The following EFCAB11 variants were observed in gnomAD, a reference collection of about 807,000 sequenced individuals.
EFCAB11 encodes EF-hand calcium binding domain 11, also known as EF-hand calcium-binding domain-containing protein 11.
EFCAB11 carries 14 observed loss-of-function variants against 23.0 expected under a neutral mutation model. The ratio of observed to expected loss-of-function variants is 0.61; its 90% CI spans 0.40 to 0.95. The LOEUF is 0.95. Ranked by LOEUF, EFCAB11 falls within the 40% of genes least tolerant of loss-of-function variation. The probability of loss-of-function intolerance (pLI) is 0.00; values close to 1 mark genes in which losing one functional copy is unlikely to be tolerated. For missense variants in EFCAB11, 198 were observed against 195.8 expected, an observed-to-expected ratio of 1.01 and a Z score of -0.07; for synonymous variants, 65 against 66.6, an observed-to-expected ratio of 0.98 and a Z score of 0.11.
At chr14:89,862,795 A>G (rs1887966341) in intron 5 of EFCAB11, among the ~76,000 whole-genome samples, 1 of 152,238 alleles carries the variant, frequency 6.6e-6, no homozygotes, top group Non-Finnish European at 1.5e-5. Flanking sequence ...AGAGCACTTT[A>G]GTAGGTTTCT....
At chr14:89,941,027 T>C (rs76360097) in intron 3 of EFCAB11, among the ~76,000 whole-genome samples, 14,235 of 152,224 alleles carry the variant, frequency 0.094, 756 homozygotes, top group African/African-American at 0.12. Flanking sequence ...CTGGTCTACA[T>C]TGAGAAAAGA....
At chr14:89,919,015 C>T (rs999147899) in intron 5 of EFCAB11, among the ~76,000 whole-genome samples, 2 of 151,176 alleles carry the variant, frequency 1.3e-5, no homozygotes, top group African/African-American at 4.9e-5. Context: ...GAACTGAGTA[C>T]AGAAGACAGA....
At chr14:89,886,843 A>G (rs1888802714) in intron 5 of EFCAB11, among the ~76,000 whole-genome samples, 1 of 152,216 alleles carries the variant, frequency 6.6e-6, no homozygotes, top group Non-Finnish European at 1.5e-5. Flanking sequence ...GACAGCCCAA[A>G]GAGTCAGAAA....
chr14:89,954,721 C>G lies in EFCAB11; in HGVS notation c.-61G>C, dbSNP rs746504592. On this transcript the variant is annotated 5_prime_UTR_variant, in exon 1 of 6. Transcript: ENST00000316738. ...AGCTACCACCGCTTTCCCAGCCTGG[C>G]TGGCAGCCTACCGCGGCCACGCCCA... 262 of 1,571,692 alleles carry G rather than the reference C, an allele frequency of 1.7e-4. No homozygotes were observed. Among genetic ancestry groups the G allele is most frequent in the Non-Finnish European group, 2.1e-4 (248 of 1,162,236 alleles).
At position 89,954,729 on chromosome 14, in the gene EFCAB11, C is replaced by A; in HGVS notation, c.-69G>T. On this transcript the variant is annotated 5_prime_UTR_variant, in exon 1 of 6. The change creates a new upstream start codon in the 5' untranslated region. Coordinates refer to ENST00000316738, the MANE Select transcript of EFCAB11 (RefSeq NM_145231.4). ...CCGCTTTCCCAGCCTGGCTGGCAGC[C>A]TACCGCGGCCACGCCCACCGCGGCT... 6.4e-7 allele frequency: 1 copy of A among 1,557,650 alleles called. No homozygotes were observed. The highest frequency in any genetic ancestry group is 8.7e-7 in the Non-Finnish European group (1 of 1,155,134).
chr14:89,864,515 C>T, intron 5 of EFCAB11, among the ~76,000 whole-genome samples: 1 of 152,122 alleles, frequency 6.6e-6, no homozygotes, highest in Non-Finnish European at 1.5e-5. Flanking sequence ...GCCTTGACCT[C>T]CTGGGCTCAA....
intron 5 of EFCAB11, among the ~76,000 whole-genome samples, chr14:89,901,245 G>T (rs1296384880): frequency 6.6e-6 from 1 of 151,962 alleles, no homozygotes; most frequent in East Asian, 1.9e-4. Context: ...GTCTTGTATC[G>T]CCAGTGGAGA....
At chr14:89,951,726 T>C (rs1456701467) in intron 2 of EFCAB11, among the ~76,000 whole-genome samples, 1 of 149,670 alleles carries the variant, frequency 6.7e-6, no homozygotes, top group Non-Finnish European at 1.5e-5. Flanking sequence ...TGGCCAACAT[T>C]GGTGAAACCC....
chr14:89,805,120 C>A (rs1885923723), intron 5 of EFCAB11, among the ~76,000 whole-genome samples: 2 of 152,174 alleles, frequency 1.3e-5, no homozygotes, highest in Admixed American at 1.3e-4. Flanking sequence ...ATAAGCCAGG[C>A]AAAACAGTGG....
intron 5 of EFCAB11, among the ~76,000 whole-genome samples, chr14:89,840,695 C>A (rs1308878097): frequency 1.3e-5 from 2 of 152,092 alleles, no homozygotes; most frequent in Non-Finnish European, 2.9e-5. Context: ...TTCAATGAAG[C>A]AATAAATGTG....
chr14:89,932,198 T>C (rs1596462296), intron 4 of EFCAB11, among the ~76,000 whole-genome samples: 1 of 151,796 alleles, frequency 6.6e-6, no homozygotes, highest in East Asian at 1.9e-4. Flanking sequence ...AGAGCAAGAG[T>C]TGATGAAGAA....
intron 5 of EFCAB11, among the ~76,000 whole-genome samples, chr14:89,810,395 A>C (rs1566766852): frequency 6.6e-6 from 1 of 152,192 alleles, no homozygotes; most frequent in Non-Finnish European, 1.5e-5. Flanking sequence ...TATAATTTTC[A>C]TTTTTAATGG....
chr14:89,824,081 T>G (rs1886612767), intron 5 of EFCAB11, among the ~76,000 whole-genome samples: 1 of 152,064 alleles, frequency 6.6e-6, no homozygotes, highest in East Asian at 1.9e-4. Flanking sequence ...TCCAAGAAGC[T>G]CAATGAACTC....
At chr14:89,825,648 A>G (rs911118048) in intron 5 of EFCAB11, among the ~76,000 whole-genome samples, 11 of 152,178 alleles carry the variant, frequency 7.2e-5, no homozygotes, top group African/African-American at 2.7e-4. Context: ...TAGAGCCTAG[A>G]GTCATTAAAA....
At chr14:89,945,477 C>T (rs1445675777) in intron 3 of EFCAB11, among the ~76,000 whole-genome samples, 1 of 152,074 alleles carries the variant, frequency 6.6e-6, no homozygotes, top group East Asian at 1.9e-4. Context: ...TTTCTTTGAC[C>T]TATGAGTTAT....
At chr14:89,821,667 A>T (rs1480155291) in intron 5 of EFCAB11, among the ~76,000 whole-genome samples, 2 of 152,188 alleles carry the variant, frequency 1.3e-5, no homozygotes, top group Non-Finnish European at 2.9e-5. Context: ...GAGCCCTGGG[A>T]TGGTCCTAGC....
chr14:89,847,394 T>C (rs544498524), intron 5 of EFCAB11, among the ~76,000 whole-genome samples: 2 of 152,162 alleles, frequency 1.3e-5, no homozygotes, highest in African/African-American at 2.4e-5. Flanking sequence ...ACTGACACCA[T>C]GTAGCTCAGA....
At chr14:89,862,253 C>T (rs971161468) in intron 5 of EFCAB11, among the ~76,000 whole-genome samples, 4 of 152,170 alleles carry the variant, frequency 2.6e-5, no homozygotes, top group Non-Finnish European at 4.4e-5. Context: ...CCTGTTTCAA[C>T]TGTAACAGTT....
chr14:89,954,593 C>G lies in EFCAB11; in HGVS notation c.68G>C (p.Trp23Ser), dbSNP rs746978217. The change falls in exon 1 of 6, where the codon TGG becomes TCG. Residue 23 changes from tryptophan (W) to serine (S), a missense_variant. By Grantham distance (177) the Trp-to-Ser change is radical. Transcript: ENST00000316738. ...WEASPSEHRK[W>S]VEVFKACDED... Reference sequence around the variant, plus strand: ...CGCCCTCCGGAAACCTACTTCCACCCACTTCCTGTGTTCCGAGGGACTGGC... The same window carrying G: ...CGCCCTCCGGAAACCTACTTCCACCGACTTCCTGTGTTCCGAGGGACTGGC... 4.2e-5 allele frequency: 67 copies of G among 1,613,764 alleles called. No individual in the cohort carries two copies. The South Asian group carries it at 4.2e-4, about 10-fold the overall frequency.
Sources: gnomAD v4.1 joint callset for allele counts (sites outside exome capture counted in the v4.1 genomes callset) on GRCh38, gnomAD v4.1.1 for gene constraint, MANE v1.5 for transcripts, NCBI Gene and HGNC (gene_info 2026-07-23, HGNC 2026-07-21) for gene names.